Variants in LMLN observed in about 807,000 individuals in gnomAD.
LMLN encodes leishmanolysin-like peptidase.
Under a neutral mutation model 92.3 loss-of-function variants are expected in LMLN, and 70 were observed. The ratio of observed to expected loss-of-function variants is 0.76; its 90% CI spans 0.63 to 0.92. The LOEUF is 0.92. Ranked by LOEUF, LMLN falls within the 40% of genes least tolerant of loss-of-function variation. The pLI is 0.00. For synonymous variants in LMLN, 308 were observed against 296.2 expected, an observed-to-expected ratio of 1.04 and a Z score of -0.41; for missense variants, 691 against 814.6, an observed-to-expected ratio of 0.85 and a Z score of 1.85.
At chr3:198,024,848 T>G (rs12487194) in intron 14 of LMLN, 60 bp downstream of exon 15, 1 of 1,351,252 alleles carries the variant, frequency 7.4e-7, no homozygotes, top group East Asian at 2.5e-5. Flanking sequence ...TCTTTTATGG[T>G]TTTGTATTTT....
intron 14 of LMLN, among the ~76,000 whole-genome samples, chr3:198,034,452 A>C (rs1183866741): frequency 6.6e-6 from 1 of 152,082 alleles, no homozygotes; most frequent in Non-Finnish European, 1.5e-5. Context: ...TCTACTAAAA[A>C]TACAAAAATT....
intron 1 of LMLN, 38 bp from the exon 2 acceptor site, chr3:197,974,339 A>G (rs750461961): frequency 7.6e-6 from 8 of 1,055,578 alleles, no homozygotes; most frequent in African/African-American, 1.6e-5. Context: ...GTTAATCTGT[A>G]TGTCTTAAAC....
intron 14 of LMLN, among the ~76,000 whole-genome samples, chr3:198,026,188 T>G (rs1342962024): frequency 6.6e-6 from 1 of 152,162 alleles, no homozygotes; most frequent in African/African-American, 2.4e-5. Flanking sequence ...ACTCCTGGGT[T>G]CATGTGATTC....
At chr3:197,960,467 CCT>C in intron 1 of LMLN, 27 bp downstream of exon 1, 2 of 1,602,492 alleles carry the variant, frequency 1.2e-6, no homozygotes, top group Non-Finnish European at 1.7e-6. Flanking sequence ...GGGAGCGGGC[CCT>C]CTCAGGGTAA....
Position 198,021,591 on chromosome 3 carries a change from T to C in LMLN, c.1511T>C (p.Leu504Ser), listed in dbSNP as rs1348080383. 1.2e-6 allele frequency: 2 copies of C among 1,613,840 alleles called. No homozygotes were observed. The highest frequency in any genetic ancestry group is 1.7e-5 in the Admixed American group (1 of 59,972). Residue 504 changes from leucine to serine, a missense_variant, in exon 13 of 16, where the codon TTG (leucine) becomes TCG (serine). Transcript: ENST00000330198. Reference sequence around the variant, plus strand: ...CAGCGCAGCTCAGATTGTAGAATATTGGAAAATCAACCAGGTTAGTCGGCT... The same window carrying C: ...CAGCGCAGCTCAGATTGTAGAATATCGGAAAATCAACCAGGTTAGTCGGCT...
At chr3:197,963,880 C>A (rs1242138021) in intron 1 of LMLN, among the ~76,000 whole-genome samples, 2 of 152,160 alleles carry the variant, frequency 1.3e-5, no homozygotes, top group African/African-American at 4.8e-5. Flanking sequence ...CAGTCTCTGA[C>A]CATTAAGTAT....
chr3:198,005,945 C>T (rs1722281954), intron 11 of LMLN, among the ~76,000 whole-genome samples: 2 of 152,032 alleles, frequency 1.3e-5, no homozygotes, highest in African/African-American at 4.8e-5. Flanking sequence ...AGTGAAACCC[C>T]ATCTCTACTA....
chr3:197,991,856 T>C (rs548663108), intron 9 of LMLN, among the ~76,000 whole-genome samples: 2 of 142,536 alleles, frequency 1.4e-5, no homozygotes, highest in African/African-American at 5.5e-5. Context: ...TTTATTCTAC[T>C]GAGCAACTTT....
chr3:197,968,317 AAAAT>A (rs1307469466), intron 1 of LMLN, among the ~76,000 whole-genome samples: 2 of 152,078 alleles, frequency 1.3e-5, no homozygotes, highest in African/African-American at 4.8e-5. Flanking sequence ...ATAAAAAAAA[AAAAT>A]TAGCTGGGTG....
rs1721779472 is a variant in LMLN, at chr3:197,988,577, TTGATCTTCCCAGGCTCAGG to T, written c.930-1970_930-1952del. On this transcript the variant is annotated intron_variant, in intron 8 of 15. Coordinates refer to ENST00000330198, the Ensembl canonical transcript of LMLN. Reference sequence around the variant, plus strand: ...ATCATGATCACGGCTTACTGCAGTGTTGATCTTCCCAGGCTCAGGTGATCTTCCCACCTCAGCCTCCTGA... The same window carrying T: ...ATCATGATCACGGCTTACTGCAGTGTTGATCTTCCCACCTCAGCCTCCTGA... Among the ~76,000 whole-genome samples, 3 of 151,102 alleles carry T rather than the reference TTGATCTTCCCAGGCTCAGG, an allele frequency of 2.0e-5. No individual in the cohort carries two copies. The South Asian group carries it at 6.3e-4, about 32-fold the overall frequency.
At chr3:197,967,330 T>A (rs9681778) in intron 1 of LMLN, among the ~76,000 whole-genome samples, 57,843 of 151,742 alleles carry the variant, frequency 0.38, 15,736 homozygotes, top group African/African-American at 0.78. Flanking sequence ...GTACAAAGAG[T>A]GGAATTTTAC....
intron 9 of LMLN, among the ~76,000 whole-genome samples, chr3:197,992,993 A>T (rs1461952516): frequency 6.6e-6 from 1 of 152,190 alleles, no homozygotes; most frequent in Non-Finnish European, 1.5e-5. Flanking sequence ...GCAAATCAGT[A>T]AATGTGATCC....
At chr3:198,013,219 T>C (rs866130545) in intron 11 of LMLN, among the ~76,000 whole-genome samples, 476 of 44,546 alleles carry the variant, frequency 0.011, no homozygotes, top group Middle Eastern at 0.03. Context: ...TCAGAGCCCC[T>C]TAACTAGTCT....
intron 11 of LMLN, among the ~76,000 whole-genome samples, chr3:198,010,121 C>T (rs1379393318): frequency 1.3e-5 from 2 of 151,938 alleles, no homozygotes; most frequent in Non-Finnish European, 2.9e-5. Flanking sequence ...ATCTTTCCCA[C>T]TGCTTGTTTT....
intron 11 of LMLN, chr3:198,003,087 G>T (rs938403194): frequency 3.9e-6 from 6 of 1,551,456 alleles, no homozygotes; most frequent in Non-Finnish European, 4.4e-6. Flanking sequence ...ACTTTGTCAG[G>T]AAGAGCTGTA....
chr3:197,984,047 T>C (rs777250396), exon 7 of LMLN: 2 of 1,590,142 alleles, frequency 1.3e-6, no homozygotes, highest in Non-Finnish European at 1.7e-6. Context: ...ATTCATGCCC[T>C]GGTAAATTCT....
chr3:197,976,866 A>G, intron 5 of LMLN, 151 bp downstream of exon 5: 1 of 434,498 alleles, frequency 2.3e-6, no homozygotes, highest in South Asian at 5.8e-5. Flanking sequence ...TTATTCTTTC[A>G]TTAGCTTTCA....
Position 198,025,596 on chromosome 3 carries a change from C to T in LMLN, c.1656+808C>T, listed in dbSNP as rs1457925022. On this transcript the variant is annotated intron_variant, in intron 14 of 15. Coordinates refer to ENST00000330198, the Ensembl canonical transcript of LMLN. The surrounding 1 kb of genome is among the most constrained non-coding windows in gnomAD (Gnocchi z 4.3). ...TGTTGCCCAGGCTAGATTAGAACTT[C>T]GGGGCCCAAGCAATCCTCTTGCCTT... Among the ~76,000 whole-genome samples the T allele has an allele frequency of 6.6e-6, 1 of 152,174 alleles. No homozygotes were observed. The highest frequency in any genetic ancestry group is 1.5e-5 in the Non-Finnish European group (1 of 68,024).
In LMLN at chr3:198,029,004, T is replaced by G. The variant is rs1447727307; in HGVS notation, c.1656+4216T>G. Among the ~76,000 whole-genome samples, 4 of 152,362 alleles carry G rather than the reference T, an allele frequency of 2.6e-5. No homozygotes were observed. In the East Asian group the frequency reaches 5.8e-4, roughly 22 times the overall value. Reference sequence around the variant, plus strand: ...GTCTCAAGTACATTTGGTTGTACTTTGATCATTCTGAATTCAGTTCCTCCA... The same window carrying G: ...GTCTCAAGTACATTTGGTTGTACTTGGATCATTCTGAATTCAGTTCCTCCA... On this transcript the variant is annotated intron_variant, in intron 14 of 15. Coordinates refer to ENST00000330198, the Ensembl canonical transcript of LMLN.
Sources: allele counts gnomAD v4.1 joint callset (sites outside exome capture counted in the v4.1 genomes callset), GRCh38; gene constraint gnomAD v4.1.1; non-coding constraint Gnocchi (gnomAD v3.1); transcripts MANE v1.5; gene names NCBI Gene and HGNC (gene_info 2026-07-23, HGNC 2026-07-21).